Variants in DEK observed in about 807,000 individuals in gnomAD.
DEK encodes the protein protein DEK.
Under a neutral mutation model 46.8 loss-of-function variants are expected in DEK, and 28 were observed. That is an observed-to-expected ratio of 0.60 (90% CI 0.44 to 0.82). DEK has a LOEUF of 0.82. DEK is among the 40% of genes least tolerant of loss of function. DEK has a pLI of 0.00. For synonymous variants in DEK, 160 were observed against 144.5 expected, an observed-to-expected ratio of 1.11 and a Z score of -0.77; for missense variants, 416 against 430.6, an observed-to-expected ratio of 0.97 and a Z score of 0.30.
intron 7 of DEK, among the ~76,000 whole-genome samples, chr6:18,248,620 T>A (rs1791226444): frequency 6.6e-6 from 1 of 152,184 alleles, no homozygotes; most frequent in African/African-American, 2.4e-5. Context: ...GAAGTCTTTA[T>A]AAAATTTGAC....
chr6:18,225,647 T>C lies in DEK; in HGVS notation c.*72A>G. ...AGGATTTAGAAAAGGAAATACATTC[T>C]CTTTGCTGGTATAATGGTATAAATC... On this transcript the variant is annotated 3_prime_UTR_variant, in exon 11 of 11. Coordinates refer to ENST00000652689, the MANE Select transcript of DEK (RefSeq NM_003472.4). The C allele has an allele frequency of 6.6e-7, 1 of 1,513,702 alleles. No homozygotes were observed. The highest frequency in any genetic ancestry group is 9.0e-7 in the Non-Finnish European group (1 of 1,109,168). The allele number at this position is 1,513,702 out of a possible 1,614,324, so 93.8% of individuals were successfully genotyped here. A position where few individuals can be genotyped will look rare whatever the true frequency, so the allele number is the denominator to read the frequency against.
chr6:18,256,091 G>A (rs555066158), intron 5 of DEK, among the ~76,000 whole-genome samples: 289 of 151,930 alleles, frequency 1.9e-3, no homozygotes, highest in African/African-American at 6.6e-3. Flanking sequence ...AGGTTCAAGC[G>A]ATTCTCCTGC....
In DEK at chr6:18,237,437, T is replaced by C. The variant is rs554865785; in HGVS notation, c.842A>G (p.Asn281Ser). The change falls in exon 8 of 11, where the codon AAT (asparagine) becomes AGT (serine). Residue 281 changes from asparagine (N) to serine (S), a missense_variant. Asn to Ser is a conservative substitution (Grantham distance 46). Coordinates refer to ENST00000652689, the MANE Select transcript of DEK (RefSeq NM_003472.4). Reference sequence around the variant, plus strand: ...GGTGCTGCTATCTGCTTTCTTAACATTGGCACTTTTCACAGATTTTTTACT... The same window carrying C: ...GGTGCTGCTATCTGCTTTCTTAACACTGGCACTTTTCACAGATTTTTTACT... ...SKSKKSVKSA[N>S]VKKADSSTTK... is the part of the protein sequence containing the mutation. The C allele has an allele frequency of 1.2e-5, 20 of 1,611,706 alleles. No individual in the cohort carries two copies. Among genetic ancestry groups the C allele is most frequent in the East Asian group, 6.7e-5 (3 of 44,824 alleles).
chr6:18,254,367 A>C (rs191610712), intron 6 of DEK, among the ~76,000 whole-genome samples: 13 of 152,228 alleles, frequency 8.5e-5, no homozygotes, highest in African/African-American at 2.4e-4. Flanking sequence ...AACAACAACA[A>C]CACAAAAAGA....
intron 6 of DEK, among the ~76,000 whole-genome samples, chr6:18,253,826 C>T (rs1344040546): frequency 6.6e-6 from 1 of 152,000 alleles, no homozygotes; most frequent in Non-Finnish European, 1.5e-5. Flanking sequence ...CAGGCTTCCA[C>T]CTCAGCCTCC....
At chr6:18,242,664 T>C (rs557916078) in intron 7 of DEK, among the ~76,000 whole-genome samples, 94 of 152,274 alleles carry the variant, frequency 6.2e-4, no homozygotes, top group African/African-American at 2.1e-3. Context: ...CTATCAACTG[T>C]TGCAGTATCA....
Position 18,237,541 on chromosome 6 carries a change from C to T in DEK, c.763-25G>A, listed in dbSNP as rs1790710354. ...GCTGTTACAAAAGAAAGTAAAAGTA[C>T]ACATATTGATGAGATTCAATGCTAT... is the stretch of plus-strand genomic sequence containing the variant. On this transcript the variant is annotated intron_variant, in intron 7 of 10. Transcript: ENST00000652689. 4 of 1,591,868 alleles carry T rather than the reference C, an allele frequency of 2.5e-6. No homozygotes were observed. The East Asian group carries it at 6.7e-5, about 27-fold the overall frequency.
chr6:18,240,064 CTAAAA>C (rs1790837269), intron 7 of DEK, among the ~76,000 whole-genome samples: 1 of 152,164 alleles, frequency 6.6e-6, no homozygotes, highest in Non-Finnish European at 1.5e-5. Context: ...AATTAGATAA[CTAAAA>C]TACTTCCAAA....
intron 6 of DEK, among the ~76,000 whole-genome samples, chr6:18,253,568 G>C (rs568063337): frequency 2.6e-5 from 4 of 152,168 alleles, no homozygotes; most frequent in South Asian, 4.2e-4. Flanking sequence ...TAATTAACCT[G>C]GTTTCAGACC....
At position 18,255,779 on chromosome 6, in the gene DEK, T is replaced by C; in HGVS notation, c.525A>G (p.Leu175=). Residue 175 remains leucine (L), a synonymous_variant, in exon 6 of 11, where the codon CTA becomes CTG. Coordinates refer to ENST00000652689, the MANE Select transcript of DEK (RefSeq NM_003472.4). ...DLERSGVNSE[L]VKRILNFLMH... Reference sequence around the variant, plus strand: ...TTAAGAAATTCAAGATCCTCTTCACTAGTTCACTATTTACACCTGATCTCT... The same window carrying C: ...TTAAGAAATTCAAGATCCTCTTCACCAGTTCACTATTTACACCTGATCTCT... The C allele has an allele frequency of 6.2e-7, 1 of 1,612,718 alleles. No homozygotes were observed. The highest frequency in any genetic ancestry group is 8.5e-7 in the Non-Finnish European group (1 of 1,179,722).
chr6:18,260,273 TAAA>T (rs764720657), intron 2 of DEK, among the ~76,000 whole-genome samples: 1 of 152,148 alleles, frequency 6.6e-6, no homozygotes, highest in African/African-American at 2.4e-5. Context: ...TTAGGAATAA[TAAA>T]AAAATCTGTA....
At chr6:18,262,285 A>G (rs1791910419) in intron 2 of DEK, among the ~76,000 whole-genome samples, 1 of 150,022 alleles carries the variant, frequency 6.7e-6, no homozygotes, top group African/African-American at 2.5e-5. Context: ...GTGTTTCTTT[A>G]TAGTAACGCA....
intron 9 of DEK, 102 bp from the exon 10 acceptor site, chr6:18,226,344 A>G (rs1790124147): frequency 1.0e-6 from 1 of 999,070 alleles, no homozygotes; most frequent in Non-Finnish European, 1.4e-6. Context: ...GCAAATAGCC[A>G]CAACCATCCC....
chr6:18,263,110 C>T (rs554541376), intron 2 of DEK, among the ~76,000 whole-genome samples: 25 of 152,304 alleles, frequency 1.6e-4, no homozygotes, highest in African/African-American at 6.0e-4. Flanking sequence ...ACAGACACTG[C>T]ATGCATCCTG....
rs1791568119 is a variant in DEK at position 18,255,737 on chromosome 6, A to G, written c.567T>C (p.Ser189=). ...AATAAAAATTGATCCTCACTTTGCC[A>G]GAAGGCTTTGGATGCATTAAGAAAT... ...ILNFLMHPKP[S]GKPLPKSKKT... The change falls in exon 6 of 11, where the codon TCT becomes TCC. Residue 189 remains serine, a synonymous_variant. Coordinates refer to ENST00000652689, the MANE Select transcript of DEK (RefSeq NM_003472.4). 1.3e-6 allele frequency: 2 copies of G among 1,597,966 alleles called. No individual in the cohort carries two copies. Among genetic ancestry groups the G allele is most frequent in the Non-Finnish European group, 1.7e-6 (2 of 1,176,004 alleles).
chr6:18,264,017 G>A (rs900958708), intron 1 of DEK, 21 bp from the exon 2 acceptor site: 7 of 1,581,592 alleles, frequency 4.4e-6, no homozygotes, highest in Non-Finnish European at 6.0e-6. Flanking sequence ...GAAGAAAGCC[G>A]GACGTCTCGG....
intron 1 of DEK, 170 bp downstream of exon 1, chr6:18,264,215 C>A (rs1408475976): frequency 5.7e-6 from 2 of 353,580 alleles, no homozygotes; most frequent in Admixed American, 1.0e-4. Context: ...GCGCCCGCTG[C>A]CCCGCGTGCG....
chr6:18,228,885 T>C (rs903140084), intron 9 of DEK, among the ~76,000 whole-genome samples: 5 of 152,206 alleles, frequency 3.3e-5, no homozygotes, highest in African/African-American at 1.2e-4. Flanking sequence ...AAGCTCGAAC[T>C]GGGTGGAGCC....
In DEK at chr6:18,249,809, T is replaced by C; in HGVS notation, c.604A>G (p.Lys202Glu). 1.9e-6 allele frequency: 3 copies of C among 1,599,894 alleles called. No individual in the cohort carries two copies. Among genetic ancestry groups the C allele is most frequent in the Non-Finnish European group, 2.5e-6 (3 of 1,176,490 alleles). The change falls in exon 7 of 11, where the codon AAA becomes GAA. Residue 202 changes from lysine (K) to glutamate (E), a missense_variant. Physicochemically the swap from Lys to Glu is moderately conservative, Grantham distance 56. Coordinates refer to ENST00000652689, the MANE Select transcript of DEK (RefSeq NM_003472.4). Reference protein sequence around the residue: ...PLPKSKKTCSKGSKKERNSSG... With the variant: ...PLPKSKKTCSEGSKKERNSSG... ...CTGTTCCGTTCCTTTTTACTGCCTTTGCTACAAGTTTTTTTAGATTTCGGC... is the reference window on the plus strand; with the variant it reads ...CTGTTCCGTTCCTTTTTACTGCCTTCGCTACAAGTTTTTTTAGATTTCGGC...
Sources: allele counts gnomAD v4.1 joint callset (sites outside exome capture counted in the v4.1 genomes callset), GRCh38; gene constraint gnomAD v4.1.1; transcripts MANE v1.5; gene names NCBI Gene and HGNC (gene_info 2026-07-23, HGNC 2026-07-21).